The following PALM variants were observed in gnomAD, a reference collection of about 807,000 sequenced individuals.
PALM encodes the protein paralemmin-1.
PALM carries 18 observed loss-of-function variants against 30.7 expected under a neutral mutation model. That is an observed-to-expected ratio of 0.59 (90% CI 0.41 to 0.87). The LOEUF (loss-of-function observed/expected upper bound fraction) is 0.87, where lower values mean the gene tolerates loss of function less well. Among genes scored for constraint, PALM ranks in the 40% least tolerant of loss-of-function variants. The pLI, the probability that PALM is intolerant of heterozygous loss-of-function variation, is 0.00. For synonymous variants in PALM, 286 were observed against 242.8 expected, an observed-to-expected ratio of 1.18 and a Z score of -1.66; for missense variants, 529 against 555.4, an observed-to-expected ratio of 0.95 and a Z score of 0.48.
intron 1 of PALM, among the ~76,000 whole-genome samples, chr19:721,659 A>G (rs2032487262): frequency 6.7e-6 from 1 of 148,724 alleles, no homozygotes; most frequent in African/African-American, 2.5e-5. Context: ...GTGCAATGGT[A>G]TGATCTCGGC....
chr19:746,192 C>A lies in PALM; in HGVS notation c.635-93C>A, dbSNP rs1438800185. 1.1e-6 allele frequency: 1 copy of A among 924,600 alleles called. No individual in the cohort carries two copies. Among genetic ancestry groups the A allele is most frequent in the Non-Finnish European group, 1.7e-6 (1 of 588,692 alleles). The allele number at this position is 924,600 out of a possible 1,614,324, so 57.3% of individuals were successfully genotyped here. Reference sequence around the variant, plus strand: ...TCTTTAGCCTGGAGGAGGATACAAGCCTTGCCAAGGTTTCCCTCCTGCCTG... The same window carrying A: ...TCTTTAGCCTGGAGGAGGATACAAGACTTGCCAAGGTTTCCCTCCTGCCTG... On this transcript the variant is annotated intron_variant, in intron 8 of 8. Coordinates refer to ENST00000338448, the MANE Select transcript of PALM (RefSeq NM_002579.3). This position sits in a 1 kb window ranked among gnomAD's most constrained non-coding sequence, Gnocchi z 7.1.
At chr19:711,340 C>T (rs1236230952) in intron 1 of PALM, 5 of 248,174 alleles carry the variant, frequency 2.0e-5, no homozygotes, top group Non-Finnish European at 3.2e-5. Context: ...AGCAGCCATT[C>T]TCCAGCACCC....
intron 1 of PALM, among the ~76,000 whole-genome samples, chr19:711,765 CAG>C (rs1568216744): frequency 6.6e-6 from 1 of 152,100 alleles, no homozygotes; most frequent in Admixed American, 6.6e-5. Flanking sequence ...AAGGAATAGA[CAG>C]ATACTGTCCA....
At chr19:717,552 G>A (rs761838434) in intron 1 of PALM, among the ~76,000 whole-genome samples, 4 of 152,182 alleles carry the variant, frequency 2.6e-5, no homozygotes, top group Non-Finnish European at 4.4e-5. Context: ...ACACATCTGT[G>A]GATGGACACC....
In PALM at chr19:746,502, G is replaced by T. The variant is rs373256462; in HGVS notation, c.852G>T (p.Thr284=). Reference sequence around the variant, plus strand: ...TGCAGGCACAGCCAGGCGAGGCCACGTCCGGCCCGCCGGGGATCCAGCCCG... The same window carrying T: ...TGCAGGCACAGCCAGGCGAGGCCACTTCCGGCCCGCCGGGGATCCAGCCCG... ...TGVQAQPGEA[T]SGPPGIQPGQ... is the part of the protein sequence containing the mutation. Residue 284 remains threonine, a synonymous_variant, in exon 9 of 9, where the codon ACG becomes ACT. Coordinates refer to ENST00000338448, the MANE Select transcript of PALM (RefSeq NM_002579.3). The surrounding 1 kb of genome is among the most constrained non-coding windows in gnomAD (Gnocchi z 7.1). 1 of 1,612,124 alleles carries T rather than the reference G, an allele frequency of 6.2e-7. No individual in the cohort carries two copies.
intron 1 of PALM, among the ~76,000 whole-genome samples, chr19:714,447 C>T (rs1337610856): frequency 2.0e-5 from 3 of 149,818 alleles, no homozygotes; most frequent in African/African-American, 7.4e-5. Flanking sequence ...CAAGCTCTGC[C>T]TCCCAGGTTC....
chr19:733,427 G>A (rs1311212155), intron 5 of PALM, among the ~76,000 whole-genome samples: 1 of 152,228 alleles, frequency 6.6e-6, no homozygotes, highest in Non-Finnish European at 1.5e-5. Flanking sequence ...AGACAGGAGT[G>A]TGTCCCAGAA....
intron 1 of PALM, among the ~76,000 whole-genome samples, chr19:715,649 A>G (rs548581818): frequency 8.9e-4 from 135 of 152,226 alleles, no homozygotes; most frequent in African/African-American, 3.2e-3. Flanking sequence ...ATGGGGAGTC[A>G]TGGATAGTGT....
rs2032004360 is a variant in PALM at position 709,626 on chromosome 19, GT to G, written c.5+476del. 6.6e-6 allele frequency among the ~76,000 whole-genome samples: 1 copy of G among 152,000 alleles called. No individual in the cohort carries two copies. Among genetic ancestry groups the G allele is most frequent in the African/African-American group, 2.4e-5 (1 of 41,418 alleles). ...GCGCCCTGGACGCGCGCGCGGGCCGGTGCCCCCCACCCCCGCCCTTCCCAAG... is the reference window on the plus strand; with the variant it reads ...GCGCCCTGGACGCGCGCGCGGGCCGGGCCCCCCACCCCCGCCCTTCCCAAG... On this transcript the variant is annotated intron_variant, in intron 1 of 8. Transcript: ENST00000338448. This position sits in a 1 kb window ranked among gnomAD's most constrained non-coding sequence, Gnocchi z 4.3.
At chr19:728,177 G>A (rs560047351) in intron 4 of PALM, among the ~76,000 whole-genome samples, 7 of 152,336 alleles carry the variant, frequency 4.6e-5, no homozygotes, top group East Asian at 3.9e-4. Context: ...AAGCTCGGGC[G>A]GGGGCAGGAA....
intron 7 of PALM, 59 bp downstream of exon 7, chr19:736,137 G>T (rs1016654520): frequency 3.8e-6 from 5 of 1,310,136 alleles, no homozygotes; most frequent in South Asian, 3.7e-5. Flanking sequence ...ACCAAGTCTC[G>T]GTCCGGGGGG....
At chr19:720,708 C>A (rs1163810664) in intron 1 of PALM, among the ~76,000 whole-genome samples, 7 of 151,998 alleles carry the variant, frequency 4.6e-5, no homozygotes, top group African/African-American at 1.7e-4. Context: ...GTTCCCTGCC[C>A]GCCCGCCTGA....
Position 740,396 on chromosome 19 carries a change from G to A in PALM, c.547G>A (p.Gly183Arg), listed in dbSNP as rs773712228. The A allele has an allele frequency of 6.4e-7, 1 of 1,559,398 alleles. No individual in the cohort carries two copies. Among genetic ancestry groups the A allele is most frequent in the Non-Finnish European group, 8.7e-7 (1 of 1,151,388 alleles). The change falls in exon 8 of 9, where the codon GGG becomes AGG. Residue 183 changes from glycine to arginine, a missense_variant. Transcript: ENST00000338448. ...CACTGTGGAGAAGGACAAGGTGACA[G>A]GGGAGACCAGGGTGCTGTCCAGCAC... ...EITVEKDKVT[G>R]ETRVLSSTTL...
chr19:744,042 A>C (rs553707067), intron 8 of PALM, among the ~76,000 whole-genome samples: 9 of 152,298 alleles, frequency 5.9e-5, no homozygotes, highest in Admixed American at 3.3e-4. Context: ...AACACCCTCT[A>C]AATAAATTGT....
intron 1 of PALM, chr19:719,181 G>C: frequency 1.0e-6 from 1 of 985,474 alleles, no homozygotes; most frequent in South Asian, 4.7e-5. Context: ...GGAAGGACGA[G>C]TGCGACGCCC....
chr19:719,000 C>G, intron 1 of PALM: 1 of 366,240 alleles, frequency 2.7e-6, no homozygotes, highest in Non-Finnish European at 3.8e-6. Context: ...CTGCTGCCCC[C>G]GCACCCCACA....
chr19:710,212 C>T (rs1251573781), intron 1 of PALM, among the ~76,000 whole-genome samples: 4 of 152,238 alleles, frequency 2.6e-5, no homozygotes, highest in African/African-American at 4.8e-5. Flanking sequence ...GCCAACTTTC[C>T]CCGGGGATTC....
Position 731,168 on chromosome 19 carries a change from C to G in PALM, c.343C>G (p.Pro115Ala). The change falls in exon 5 of 9, where the codon CCG becomes GCG. Residue 115 changes from proline (P) to alanine (A), a missense_variant. Pro to Ala is a conservative substitution (Grantham distance 27). Transcript: ENST00000338448. ...PATAKENAAA[P>A]SPVRAPAPSP... ...CACTGCCAAGGAGAACGCGGCGGCC[C>G]CGAGCCCAGTCCGGGCCCCAGCCCC... 1 of 1,609,892 alleles carries G rather than the reference C, an allele frequency of 6.2e-7. No individual in the cohort carries two copies. Among genetic ancestry groups the G allele is most frequent in the Non-Finnish European group, 8.5e-7 (1 of 1,178,702 alleles).
At position 732,800 on chromosome 19, in the gene PALM, G is replaced by C. The variant is rs375270105; in HGVS notation, c.421-1373G>C. Among the ~76,000 whole-genome samples, 444 of 152,260 alleles carry C rather than the reference G, an allele frequency of 2.9e-3. 31 individuals are homozygous for C. The South Asian group carries it at 0.089, about 30-fold the overall frequency. The stretch of plus-strand genomic sequence containing the variant: ...ACCCAGGGAGGGTGGTCAGGCCGAA[G>C]AGGTGGGAAGCCCAGGGCGCTGTGG... On this transcript the variant is annotated intron_variant, in intron 5 of 8. Transcript: ENST00000338448.
Sources: gnomAD v4.1 joint callset for allele counts (sites outside exome capture counted in the v4.1 genomes callset) on GRCh38, gnomAD v4.1.1 for gene constraint, Gnocchi (gnomAD v3.1) non-coding constraint, MANE v1.5 for transcripts, NCBI Gene and HGNC (gene_info 2026-07-23, HGNC 2026-07-21) for gene names.